Variants in GTPBP4 observed in about 807,000 individuals in gnomAD.
GTPBP4 encodes the protein GTP binding protein 4.
A neutral mutation model predicts 81.7 loss-of-function variants in GTPBP4; 15 were observed. That is an observed-to-expected ratio of 0.18 (90% confidence interval 0.12 to 0.28). The LOEUF (loss-of-function observed/expected upper bound fraction) is 0.28, where lower values mean the gene tolerates loss of function less well. Among genes scored for constraint, GTPBP4 ranks in the 10% least tolerant of loss-of-function variants. The pLI is 1.00. For missense variants in GTPBP4, 847 were observed against 793.8 expected, an observed-to-expected ratio of 1.07 and a Z score of -0.81; for synonymous variants, 272 against 274.6, an observed-to-expected ratio of 0.99 and a Z score of 0.09.
chr10:1,014,406 C>T lies in GTPBP4; in HGVS notation c.1608+94C>T, dbSNP rs907852525. 7.8e-6 allele frequency: 7 copies of T among 901,020 alleles called. No homozygotes were observed. In the East Asian group the frequency reaches 8.1e-5, roughly 10 times the overall value. 55.8% of individuals were successfully genotyped at this position (901,020 alleles called of 1,614,324 possible). ...GCGTGGTGGCTCATGCCTGTAATCC[C>T]AGCACTTTGGGAGGCCAAGGCGGGC... On this transcript the variant is annotated intron_variant, in intron 15 of 16. Transcript: ENST00000360803.
In GTPBP4 at chr10:988,519, T is replaced by G. The variant is rs1292031381; in HGVS notation, c.40T>G (p.Ser14Ala). 1.2e-6 allele frequency: 2 copies of G among 1,612,136 alleles called. No homozygotes were observed. The highest frequency in any genetic ancestry group is 4.5e-5 in the East Asian group (2 of 44,858). ...YNFKKITVVP[S>A]AKDFIDLTLS... ...CTTCAAGAAAATTACGGTGGTGCCG[T>G]CCGCCAAGGTAGGCGGCCCCGGGAG... The change falls in exon 1 of 17, where the codon TCC (serine) becomes GCC (alanine). Residue 14 changes from serine (S) to alanine (A), a missense_variant. Ser to Ala is a moderately conservative substitution (Grantham distance 99). This residue lies in a region of GTPBP4 where 241 missense variants were observed against 216.3 expected (regional missense o/e 1.11). Coordinates refer to ENST00000360803, the MANE Select transcript of GTPBP4 (RefSeq NM_012341.3).
chr10:991,937 C>T (rs1417410741), intron 1 of GTPBP4, among the ~76,000 whole-genome samples: 19 of 148,010 alleles, frequency 1.3e-4, no homozygotes, highest in South Asian at 2.2e-4. Context: ...CCTCGTGATC[C>T]GCCCGCCTCA....
intron 13 of GTPBP4, among the ~76,000 whole-genome samples, chr10:1,011,608 A>G (rs1246004944): frequency 2.0e-5 from 3 of 152,120 alleles, no homozygotes; most frequent in Non-Finnish European, 4.4e-5. Flanking sequence ...CTTGGTTCCC[A>G]CAGGCCCTCC....
chr10:1,002,701 T>C (rs1273450911), intron 8 of GTPBP4, among the ~76,000 whole-genome samples: 7 of 152,242 alleles, frequency 4.6e-5, no homozygotes, highest in African/African-American at 1.7e-4. Flanking sequence ...CTGGCAGTCT[T>C]CTTTTTTTTC....
intron 1 of GTPBP4, among the ~76,000 whole-genome samples, chr10:992,256 C>T (rs544995974): frequency 5.8e-4 from 88 of 151,508 alleles, no homozygotes; most frequent in South Asian, 1.0e-3. Flanking sequence ...AAAAATTAGC[C>T]GGGTGTGGTG....
intron 10 of GTPBP4, chr10:1,008,030 C>T (rs770272619): frequency 3.5e-5 from 17 of 489,762 alleles, no homozygotes; most frequent in South Asian, 2.5e-4. Context: ...CATTTTTGAA[C>T]TATTAACATA....
At chr10:995,229 G>A (rs1235926370) in intron 2 of GTPBP4, among the ~76,000 whole-genome samples, 1 of 152,194 alleles carries the variant, frequency 6.6e-6, no homozygotes, top group African/African-American at 2.4e-5. Flanking sequence ...GCTGTGGGGA[G>A]CATGAATGTT....
chr10:1,003,794 G>C (rs1485439409), intron 8 of GTPBP4, among the ~76,000 whole-genome samples: 4 of 152,132 alleles, frequency 2.6e-5, no homozygotes, highest in Non-Finnish European at 5.9e-5. Flanking sequence ...CCCGCAATGG[G>C]GGACTTATCT....
intron 2 of GTPBP4, 80 bp downstream of exon 2, chr10:992,739 A>C: frequency 1.3e-6 from 1 of 777,112 alleles, no homozygotes; most frequent in Non-Finnish European, 2.1e-6. Context: ...TGGTGTACTC[A>C]TTTGACAGAA....
At chr10:989,315 A>G (rs1342656594) in intron 1 of GTPBP4, among the ~76,000 whole-genome samples, 1 of 152,058 alleles carries the variant, frequency 6.6e-6, no homozygotes, top group African/African-American at 2.4e-5. Flanking sequence ...GGGTTTCACC[A>G]CGTTGGCCAA....
At chr10:1,015,432 CCTGGGGTCCTGAGCGCTGAGCCTGGGAGT>C (rs1564472259) in intron 15 of GTPBP4, among the ~76,000 whole-genome samples, 12 of 40,188 alleles carry the variant, frequency 3.0e-4, no homozygotes, top group African/African-American at 1.3e-3. Context: ...TGGGAGTGGA[CCTGGGGTCCTGAGCGCTGAGCCTGGGAGT>C]GGGGCTGGGG....
In GTPBP4 at chr10:996,239, C is replaced by G. The variant is rs556154599; in HGVS notation, c.457C>G (p.Gln153Glu). Residue 153 changes from glutamine to glutamate, a missense_variant, in exon 4 of 17, where the codon CAA becomes GAA. Transcript: ENST00000360803. ...RQKQSLEYLEQVRQHLSRLPT... is the reference protein window; with the variant it reads ...RQKQSLEYLEEVRQHLSRLPT... Reference sequence around the variant, plus strand: ...GAAGCAGAGTTTGGAGTATTTGGAGCAAGGTGCTTGTCACGCATCCGCGGG... The same window carrying G: ...GAAGCAGAGTTTGGAGTATTTGGAGGAAGGTGCTTGTCACGCATCCGCGGG... 78 of 1,611,020 alleles carry G rather than the reference C, an allele frequency of 4.8e-5. No homozygotes were observed. Among genetic ancestry groups the G allele is most frequent in the Non-Finnish European group, 6.1e-5 (72 of 1,178,634 alleles).
chr10:990,285 T>TA lies in GTPBP4; in HGVS notation c.48+1770dup, dbSNP rs879438760. On this transcript the variant is annotated intron_variant, in intron 1 of 16. Transcript: ENST00000360803. ...ATGGTAATTGTTTGGTGATTGGAAG[T>TA]AAAAAAAAAAAATCACATCGGGAAA... Among the ~76,000 whole-genome samples, 1,168 of 146,406 alleles carry TA rather than the reference T, an allele frequency of 8.0e-3. 14 individuals are homozygous for TA. The highest frequency in any genetic ancestry group is 0.023 in the African/African-American group (927 of 40,016).
chr10:1,019,512 G>T lies in GTPBP4; in HGVS notation c.*2285G>T. On this transcript the variant is annotated 3_prime_UTR_variant, in exon 17 of 17. Transcript: ENST00000360803. Reference sequence around the variant, plus strand: ...TACACATGGCTGACTCGACCTCCCTGCCTCTCACACTCTGTGTATTTTGTG... The same window carrying T: ...TACACATGGCTGACTCGACCTCCCTTCCTCTCACACTCTGTGTATTTTGTG... 6.2e-7 allele frequency: 1 copy of T among 1,607,098 alleles called. No individual in the cohort carries two copies. Among genetic ancestry groups the T allele is most frequent in the Non-Finnish European group, 8.5e-7 (1 of 1,174,910 alleles).
In GTPBP4 at chr10:1,005,792, C is replaced by T. The variant is rs781376053; in HGVS notation, c.913-26C>T. ...AGGGAACTGGAAATGAATAATACATCTCTCGTTTTTTCTTTGCATTCCCAG... is the reference window on the plus strand; with the variant it reads ...AGGGAACTGGAAATGAATAATACATTTCTCGTTTTTTCTTTGCATTCCCAG... On this transcript the variant is annotated intron_variant, in intron 8 of 16. Coordinates refer to ENST00000360803, the MANE Select transcript of GTPBP4 (RefSeq NM_012341.3). 5.5e-6 allele frequency: 7 copies of T among 1,271,912 alleles called. No homozygotes were observed. The Admixed American group carries it at 1.0e-4, about 18-fold the overall frequency. 78.8% of individuals were successfully genotyped at this position (1,271,912 alleles called of 1,614,324 possible).
chr10:1,009,109 G>T, intron 11 of GTPBP4, 74 bp downstream of exon 11: 1 of 1,170,554 alleles, frequency 8.5e-7, no homozygotes, highest in South Asian at 1.2e-5. Context: ...TGGGGGCCTG[G>T]GGCATCGAAC....
intron 8 of GTPBP4, among the ~76,000 whole-genome samples, chr10:1,003,923 G>C (rs1331077200): frequency 1.3e-5 from 2 of 152,142 alleles, no homozygotes; most frequent in Non-Finnish European, 2.9e-5. Flanking sequence ...TTAGGGTCTT[G>C]TGTGCCTATC....
At position 1,019,751 on chromosome 10, in the gene GTPBP4, A is replaced by G; in HGVS notation, c.*2524A>G. 6.2e-7 allele frequency: 1 copy of G among 1,614,042 alleles called. No homozygotes were observed. Among genetic ancestry groups the G allele is most frequent in the Non-Finnish European group, 8.5e-7 (1 of 1,180,008 alleles). On this transcript the variant is annotated 3_prime_UTR_variant, in exon 17 of 17. Coordinates refer to ENST00000360803, the MANE Select transcript of GTPBP4 (RefSeq NM_012341.3). ...CGTTTTTCCTCACAAGCAGAAGGTA[A>G]CAAATTTCATGCTCTCCCCAAATTC...
At chr10:1,003,996 T>C (rs1391382267) in intron 8 of GTPBP4, among the ~76,000 whole-genome samples, 1 of 152,072 alleles carries the variant, frequency 6.6e-6, no homozygotes, top group Non-Finnish European at 1.5e-5. Flanking sequence ...GAAGCACCCC[T>C]AGCAGCTTAA....
Sources: gnomAD v4.1 joint callset for allele counts (sites outside exome capture counted in the v4.1 genomes callset) on GRCh38, gnomAD v4.1.1 for gene constraint, gnomAD v4.1.1 regional missense constraint, MANE v1.5 for transcripts, NCBI Gene and HGNC (gene_info 2026-07-23, HGNC 2026-07-21) for gene names.